Variants in LIPE observed in about 807,000 individuals in gnomAD.
LIPE encodes the protein lipase E, hormone sensitive type, also known as hormone-sensitive lipase.
LIPE carries 66 observed loss-of-function variants against 88.5 expected under a neutral mutation model. The observed-to-expected ratio is 0.75, with a 90% confidence interval of 0.61 to 0.91. The LOEUF is 0.91. LIPE is among the 40% of genes least tolerant of loss of function. LIPE has a pLI of 0.00. For missense variants in LIPE, 1,346 were observed against 1,434.7 expected (o/e 0.94, Z 1.00); for synonymous variants, 570 against 617.5 (o/e 0.92, Z 1.14).
Position 42,401,744 on chromosome 19 carries a change from G to C in LIPE, c.*68C>G. 7.2e-6 allele frequency: 2 copies of C among 279,718 alleles called. No homozygotes were observed. Among genetic ancestry groups the C allele is most frequent in the Non-Finnish European group, 1.0e-5 (2 of 199,112 alleles). 17.3% of individuals were successfully genotyped at this position (279,718 alleles called of 1,614,324 possible). A position where few individuals can be genotyped will look rare whatever the true frequency, so the allele number is the denominator to read the frequency against. On this transcript the variant is annotated 3_prime_UTR_variant, in exon 10 of 10. Transcript: ENST00000244289. ...CCCCGACTTAAGTAAGGCACAGCCCGCGTCCCCTTCCGCCCGGCCCGGAAG... is the reference window on the plus strand; with the variant it reads ...CCCCGACTTAAGTAAGGCACAGCCCCCGTCCCCTTCCGCCCGGCCCGGAAG...
At position 42,415,957 on chromosome 19, in the gene LIPE, A is replaced by G. The variant is rs115918898; in HGVS notation, c.884-5115T>C. On this transcript the variant is annotated intron_variant, in intron 1 of 9. Transcript: ENST00000244289. ...TCCCTCTTCAATTCTTTGAAGGGTG[A>G]GAGAGGTGAGGAAGCTGCAGAAAAA... is the stretch of plus-strand genomic sequence containing the variant. Among the ~76,000 whole-genome samples, 340 of 152,306 alleles carry G rather than the reference A, an allele frequency of 2.2e-3. 2 individuals carry two copies. The highest frequency in any genetic ancestry group is 7.6e-3 in the African/African-American group (316 of 41,560).
At position 42,410,895 on chromosome 19, in the gene LIPE, G is replaced by A. The variant is rs992620925; in HGVS notation, c.884-53C>T. ...GTGGGGCTGGATCAAGCCTTGCTTA[G>A]CTGGGGCCCAGGAGTCTGGGCCATA... is the stretch of plus-strand genomic sequence containing the variant. On this transcript the variant is annotated intron_variant, in intron 1 of 9. Transcript: ENST00000244289. The surrounding 1 kb of genome is among the most constrained non-coding windows in gnomAD (Gnocchi z 6.1). 3 of 1,490,486 alleles carry A rather than the reference G, an allele frequency of 2.0e-6. No homozygotes were observed. The highest frequency in any genetic ancestry group is 2.2e-5 in the Admixed American group (1 of 44,960). The allele number at this position is 1,490,486 out of a possible 1,614,324, so 92.3% of individuals were successfully genotyped here. A position where few individuals can be genotyped will look rare whatever the true frequency, so the allele number is the denominator to read the frequency against.
chr19:42,405,491 G>A lies in LIPE; in HGVS notation c.2436C>T (p.Asp812=), dbSNP rs2040140198. The A allele has an allele frequency of 6.2e-7, 1 of 1,614,122 alleles. No individual in the cohort carries two copies. Among genetic ancestry groups the A allele is most frequent in the Non-Finnish European group, 8.5e-7 (1 of 1,179,998 alleles). ...ALGMMGLVRR[D]TALLLRDFRL... The stretch of plus-strand genomic sequence containing the variant: ...GGAAGTCTCGGAGGAGCAGGGCTGT[G>A]TCCCGCCGCACCAGCCCCATCATGC... The change falls in exon 8 of 10, where the codon GAC becomes GAT. Residue 812 remains aspartate, a synonymous_variant. Transcript: ENST00000244289.
rs1485091792 is a variant in LIPE, at chr19:42,407,019, C to T, written c.2137+155G>A. Among the ~76,000 whole-genome samples, 1 of 151,886 alleles carries T rather than the reference C, an allele frequency of 6.6e-6. No homozygotes were observed. Among genetic ancestry groups the T allele is most frequent in the African/African-American group, 2.4e-5 (1 of 41,348 alleles). On this transcript the variant is annotated intron_variant, in intron 6 of 9. Transcript: ENST00000244289. This position sits in a 1 kb window ranked among gnomAD's most constrained non-coding sequence, Gnocchi z 5.8. ...CAGTTGGGGACAGAGGATAAAGTGGCTGAGGTGGAAGATTGGGCAGGACCT... is the reference window on the plus strand; with the variant it reads ...CAGTTGGGGACAGAGGATAAAGTGGTTGAGGTGGAAGATTGGGCAGGACCT...
At chr19:42,420,816 T>G (rs577795527) in intron 1 of LIPE, among the ~76,000 whole-genome samples, 6 of 152,280 alleles carry the variant, frequency 3.9e-5, no homozygotes, top group Admixed American at 2.0e-4. Flanking sequence ...GTTCACACAC[T>G]TCCAACCCTT....
Position 42,404,844 on chromosome 19 carries a change from C to T in LIPE, c.2542+541G>A, listed in dbSNP as rs183994117. On this transcript the variant is annotated intron_variant, in intron 8 of 9. Coordinates refer to ENST00000244289, the MANE Select transcript of LIPE (RefSeq NM_005357.4). ...TGGCCAAATGGTTGGAGGCAGACCT[C>T]ACCACAGCCCAGTAAGCGTACTCTT... Among the ~76,000 whole-genome samples, 28 of 152,300 alleles carry T rather than the reference C, an allele frequency of 1.8e-4. 1 individual carries two copies. The highest frequency in any genetic ancestry group is 6.3e-4 in the African/African-American group (26 of 41,566).
At chr19:42,402,125 C>A in intron 9 of LIPE, 50 bp from the exon 10 acceptor site, 1 of 1,415,028 alleles carries the variant, frequency 7.1e-7, no homozygotes, top group Non-Finnish European at 9.2e-7. Context: ...GACAGACAGA[C>A]CGGGGTCGGG....
chr19:42,406,012 A>G lies in LIPE; in HGVS notation c.2365+149T>C, dbSNP rs528525144. On this transcript the variant is annotated intron_variant, in intron 7 of 9. Coordinates refer to ENST00000244289, the MANE Select transcript of LIPE (RefSeq NM_005357.4). This position sits in a 1 kb window ranked among gnomAD's most constrained non-coding sequence, Gnocchi z 5.7. ...CACACACACACACACACACACACAC[A>G]CACACACGAAAAAAAAGGGACAAGG... 1.6e-6 allele frequency: 1 copy of G among 627,882 alleles called. No individual in the cohort carries two copies. The highest frequency in any genetic ancestry group is 2.7e-5 in the East Asian group (1 of 36,520). The allele number at this position is 627,882 out of a possible 1,614,324, so 38.9% of individuals were successfully genotyped here.
chr19:42,405,976 TCACACACACACACACACACACA>T (rs57282318), intron 7 of LIPE, 163 bp downstream of exon 7: 6 of 418,580 alleles, frequency 1.4e-5, no homozygotes, highest in Admixed American at 4.1e-5. Flanking sequence ...TCTCTCTCTC[TCACACACACACACACACACACA>T]CACACACACA....
chr19:42,410,362 C>T lies in LIPE; in HGVS notation c.1364G>A (p.Arg455Gln), dbSNP rs368651289. 81 of 1,613,410 alleles carry T rather than the reference C, an allele frequency of 5.0e-5. No individual in the cohort carries two copies. Among genetic ancestry groups the T allele is most frequent in the East Asian group, 8.9e-5 (4 of 44,834 alleles). ...GDEGLTADFLREYVTLHKGCF... is the reference protein window; with the variant it reads ...GDEGLTADFLQEYVTLHKGCF... ...TCCCTTATGCAGCGTGACATACTCCCGGAGGAAGTCGGCGGTGAGCCCCTC... is the reference window on the plus strand; with the variant it reads ...TCCCTTATGCAGCGTGACATACTCCTGGAGGAAGTCGGCGGTGAGCCCCTC... The change falls in exon 2 of 10, where the codon CGG becomes CAG. Residue 455 changes from arginine to glutamine, a missense_variant. Arg to Gln is a conservative substitution (Grantham distance 43, BLOSUM62 1). Coordinates refer to ENST00000244289, the MANE Select transcript of LIPE (RefSeq NM_005357.4). This position sits in a 1 kb window ranked among gnomAD's most constrained non-coding sequence, Gnocchi z 6.1.
chr19:42,412,003 GC>G (rs1259326683), intron 1 of LIPE, among the ~76,000 whole-genome samples: 4 of 152,228 alleles, frequency 2.6e-5, no homozygotes, highest in Non-Finnish European at 5.9e-5. Flanking sequence ...AAGTGGCAGA[GC>G]TTTTGTAAAC....
rs1429294446 is a variant in LIPE at position 42,410,262 on chromosome 19, G to A, written c.1419+45C>T. ...TATAGGCCAGGCCAGGGGCCACCAG[G>A]TGCCTTCATTGTGGGCCCAGAGGGG... On this transcript the variant is annotated intron_variant, in intron 2 of 9. Coordinates refer to ENST00000244289, the MANE Select transcript of LIPE (RefSeq NM_005357.4). This position sits in a 1 kb window ranked among gnomAD's most constrained non-coding sequence, Gnocchi z 6.1. 1.3e-6 allele frequency: 2 copies of A among 1,509,470 alleles called. No individual in the cohort carries two copies. Among genetic ancestry groups the A allele is most frequent in the African/African-American group, 2.8e-5 (2 of 72,178 alleles). 93.5% of individuals were successfully genotyped at this position (1,509,470 alleles called of 1,614,324 possible).
chr19:42,416,263 G>A (rs528503452), intron 1 of LIPE, among the ~76,000 whole-genome samples: 19 of 152,280 alleles, frequency 1.2e-4, no homozygotes, highest in African/African-American at 4.3e-4. Context: ...AGAATCACTT[G>A]AACCTGGGAG....
In LIPE at chr19:42,414,915, C is replaced by T. The variant is rs564841654; in HGVS notation, c.884-4073G>A. Among the ~76,000 whole-genome samples, 9 of 152,202 alleles carry T rather than the reference C, an allele frequency of 5.9e-5. No individual in the cohort carries two copies. Among genetic ancestry groups the T allele is most frequent in the Admixed American group, 2.0e-4 (3 of 15,274 alleles). ...CAGCCATTTCCCCCATCTCTCTTCTCGAGCCTCCATATTCCCTAAGACATA... is the reference window on the plus strand; with the variant it reads ...CAGCCATTTCCCCCATCTCTCTTCTTGAGCCTCCATATTCCCTAAGACATA... On this transcript the variant is annotated intron_variant, in intron 1 of 9. Coordinates refer to ENST00000244289, the MANE Select transcript of LIPE (RefSeq NM_005357.4). This position sits in a 1 kb window ranked among gnomAD's most constrained non-coding sequence, Gnocchi z 4.6.
intron 1 of LIPE, among the ~76,000 whole-genome samples, chr19:42,412,959 C>T (rs372659922): frequency 6.6e-6 from 1 of 152,214 alleles, no homozygotes; most frequent in African/African-American, 2.4e-5. Context: ...GCCTGTCGGT[C>T]CTACTGGGTG....
rs2040212787 is a variant in LIPE at position 42,407,185 on chromosome 19, C to A, written c.2126G>T (p.Cys709Phe). ...FFAYCWAIKH[C>F]ALLGSTGERI... ...GGCCTGAGGCTCACCAAGGAGGGCG[C>A]AGTGCTTGATGGCCCAGCAGTAGGC... Residue 709 changes from cysteine (C) to phenylalanine (F), a missense_variant, in exon 6 of 10, where the codon TGC becomes TTC. Coordinates refer to ENST00000244289, the MANE Select transcript of LIPE (RefSeq NM_005357.4). This position sits in a 1 kb window ranked among gnomAD's most constrained non-coding sequence, Gnocchi z 5.8. 2.0e-6 allele frequency: 3 copies of A among 1,514,880 alleles called. No homozygotes were observed. The African/African-American group carries it at 4.1e-5, about 21-fold the overall frequency. The allele number at this position is 1,514,880 out of a possible 1,614,324, so 93.8% of individuals were successfully genotyped here.
At chr19:42,409,103 AG>A (rs1459021907) in intron 2 of LIPE, among the ~76,000 whole-genome samples, 1 of 152,082 alleles carries the variant, frequency 6.6e-6, no homozygotes, top group Non-Finnish European at 1.5e-5. Flanking sequence ...GCTGGAAGAC[AG>A]GAACAGGGAG....
chr19:42,402,183 A>G, intron 9 of LIPE, 108 bp from the exon 10 acceptor site: 1 of 1,127,138 alleles, frequency 8.9e-7, no homozygotes, highest in South Asian at 1.8e-5. Context: ...AAATACGGAT[A>G]CAGACGGAGT....
intron 1 of LIPE, chr19:42,411,207 GGCCTCCTGAATCCGGACATTCCCTGA>G: frequency 1.5e-6 from 1 of 658,054 alleles, no homozygotes; most frequent in Non-Finnish European, 1.9e-6. Context: ...TTGCTGCCCT[GGCCTCCTGAATCCGGACATTCCCTGA>G]GCCCACACGA....
Sources: allele counts gnomAD v4.1 joint callset (sites outside exome capture counted in the v4.1 genomes callset), GRCh38; gene constraint gnomAD v4.1.1; non-coding constraint Gnocchi (gnomAD v3.1); transcripts MANE v1.5; gene names NCBI Gene and HGNC (gene_info 2026-07-23, HGNC 2026-07-21).